Variants in L3MBTL4 observed in about 807,000 individuals in gnomAD.
L3MBTL4 encodes L3MBTL histone methyl-lysine binding protein 4.
A neutral mutation model predicts 84.5 loss-of-function variants in L3MBTL4; 70 were observed. The ratio of observed to expected loss-of-function variants is 0.83; its 90% CI spans 0.68 to 1.01. L3MBTL4 has a LOEUF of 1.01. Ranked by LOEUF, L3MBTL4 falls within the 50% of genes least tolerant of loss-of-function variation. L3MBTL4 has a pLI of 0.00. For missense variants in L3MBTL4, 715 were observed against 754.8 expected, an observed-to-expected ratio of 0.95 and a Z score of 0.62; for synonymous variants, 274 against 259.8, an observed-to-expected ratio of 1.05 and a Z score of -0.52.
intron 12 of L3MBTL4, among the ~76,000 whole-genome samples, chr18:6,176,447 T>G (rs1452604388): frequency 6.6e-6 from 1 of 152,054 alleles, no homozygotes; most frequent in East Asian, 1.9e-4. Flanking sequence ...GAGTATTGAA[T>G]GAAGAAAGTA....
intron 8 of L3MBTL4, 28 bp from the exon 9 acceptor site, chr18:6,239,900 C>A: frequency 6.2e-7 from 1 of 1,612,768 alleles, no homozygotes. Flanking sequence ...GGGGAAGAAG[C>A]ACAAAAAGAA....
chr18:6,266,366 T>C (rs1599405538), intron 4 of L3MBTL4, among the ~76,000 whole-genome samples: 1 of 152,192 alleles, frequency 6.6e-6, no homozygotes, highest in East Asian at 1.9e-4. Flanking sequence ...TATTACTACT[T>C]AGCTATACAC....
At chr18:6,125,459 C>T (rs1420901100) in intron 14 of L3MBTL4, among the ~76,000 whole-genome samples, 1 of 152,130 alleles carries the variant, frequency 6.6e-6, no homozygotes, top group Non-Finnish European at 1.5e-5. Flanking sequence ...AACAGGTTCT[C>T]ATTCTGTCAC....
At chr18:6,140,131 G>A (rs80115094) in intron 13 of L3MBTL4, among the ~76,000 whole-genome samples, 2,581 of 152,170 alleles carry the variant, frequency 0.017, 81 homozygotes, top group African/African-American at 0.058. Flanking sequence ...CCACAAAATC[G>A]TATCCTCCCA....
At chr18:6,311,459 G>A (rs2146943789) in intron 3 of L3MBTL4, 95 bp downstream of exon 3, 1 of 968,328 alleles carries the variant, frequency 1.0e-6, no homozygotes. Context: ...TGACTGAAAA[G>A]CCCCTGAGTG....
At chr18:6,349,933 AT>A (rs1448110557) in intron 1 of L3MBTL4, among the ~76,000 whole-genome samples, 3 of 152,150 alleles carry the variant, frequency 2.0e-5, no homozygotes, top group African/African-American at 2.4e-5. Flanking sequence ...CATAAAAAAA[AT>A]AAATAAAATC....
At chr18:6,020,733 C>T (rs1191263861) in intron 16 of L3MBTL4, among the ~76,000 whole-genome samples, 2 of 152,120 alleles carry the variant, frequency 1.3e-5, no homozygotes, top group Non-Finnish European at 2.9e-5. Context: ...CAAGGACGCT[C>T]CTAGGTTACT....
chr18:5,968,726 TAA>T (rs2052480352), intron 17 of L3MBTL4, among the ~76,000 whole-genome samples: 2 of 151,396 alleles, frequency 1.3e-5, no homozygotes, highest in Non-Finnish European at 2.9e-5. Flanking sequence ...TAAAATAAAA[TAA>T]AATAAAATAA....
chr18:6,333,855 C>T (rs972886060), intron 1 of L3MBTL4, among the ~76,000 whole-genome samples: 4 of 152,074 alleles, frequency 2.6e-5, no homozygotes, highest in African/African-American at 9.7e-5. Context: ...ATTAATATGC[C>T]AATAAGTGCA....
At chr18:6,086,283 A>G (rs1364229019) in intron 15 of L3MBTL4, among the ~76,000 whole-genome samples, 1 of 152,210 alleles carries the variant, frequency 6.6e-6, no homozygotes, top group Non-Finnish European at 1.5e-5. Context: ...TCCTCTACAC[A>G]AGTTGCTGTG....
chr18:6,046,805 A>G, intron 16 of L3MBTL4: 1 of 756,314 alleles, frequency 1.3e-6, no homozygotes, highest in East Asian at 2.5e-5. Flanking sequence ...AAAGTTAGCA[A>G]GATCTCAAAC....
At position 6,379,741 on chromosome 18, in the gene L3MBTL4, G is replaced by A. The variant is rs138774441; in HGVS notation, c.-91+35060C>T. On this transcript the variant is annotated intron_variant, in intron 1 of 18. Transcript: ENST00000317931. The stretch of plus-strand genomic sequence containing the variant: ...TGCCAGTATTTTATTGAGGATTTTT[G>A]CATCAATGTTCATCAGGGATATTGG... Among the ~76,000 whole-genome samples the A allele has an allele frequency of 1.1e-3, 170 of 152,270 alleles. 1 individual carries two copies. In the East Asian group the frequency reaches 0.03, roughly 27 times the overall value.
Position 6,271,021 on chromosome 18 carries a change from G to A in L3MBTL4, c.128-6983C>T, listed in dbSNP as rs576758458. ...ACCTAAACAAAGGGGGGCATGCAGTGCCCTCTGTGGTTACAGAGCCCGCGG... is the reference window on the plus strand; with the variant it reads ...ACCTAAACAAAGGGGGGCATGCAGTACCCTCTGTGGTTACAGAGCCCGCGG... On this transcript the variant is annotated intron_variant, in intron 4 of 18. Coordinates refer to ENST00000317931, the MANE Select transcript of L3MBTL4 (RefSeq NM_001330559.2). Among the ~76,000 whole-genome samples, 381 of 152,324 alleles carry A rather than the reference G, an allele frequency of 2.5e-3. 3 individuals carry two copies. Among genetic ancestry groups the A allele is most frequent in the Middle Eastern group, 0.014 (4 of 294 alleles).
intron 1 of L3MBTL4, among the ~76,000 whole-genome samples, chr18:6,377,269 C>T (rs1433033797): frequency 6.6e-6 from 1 of 152,148 alleles, no homozygotes; most frequent in Non-Finnish European, 1.5e-5. Context: ...ATCTTACCTC[C>T]TCTCCTGGCC....
chr18:6,332,082 G>T (rs1437459434), intron 1 of L3MBTL4, among the ~76,000 whole-genome samples: 3 of 152,110 alleles, frequency 2.0e-5, no homozygotes, highest in African/African-American at 7.2e-5. Flanking sequence ...TGACTCCCAG[G>T]GAAAGGCTCT....
At chr18:6,411,218 A>C (rs966492416) in intron 1 of L3MBTL4, among the ~76,000 whole-genome samples, 1 of 152,204 alleles carries the variant, frequency 6.6e-6, no homozygotes, top group Non-Finnish European at 1.5e-5. Flanking sequence ...TAAGTACAAG[A>C]TGCCGATATT....
rs11361405 is a variant in L3MBTL4 at position 6,239,391 on chromosome 18, CAA to C, written c.707+325_707+326del. Among the ~76,000 whole-genome samples, 947 of 138,512 alleles carry C rather than the reference CAA, an allele frequency of 6.8e-3. 3 individuals are homozygous for C. The highest frequency in any genetic ancestry group is 0.016 in the African/African-American group (613 of 37,478). The allele number at this position is 138,512 out of a possible 152,430, so 90.9% of individuals were successfully genotyped here. A position where few individuals can be genotyped will look rare whatever the true frequency, so the allele number is the denominator to read the frequency against. On this transcript the variant is annotated intron_variant, in intron 9 of 18. Transcript: ENST00000317931. Reference sequence around the variant, plus strand: ...TAAGGTACATTTAAGATTTTTTAGACAAAAAAAAAAAAATGCTGAAAGTTTTT... The same window carrying C: ...TAAGGTACATTTAAGATTTTTTAGACAAAAAAAAAAATGCTGAAAGTTTTT...
chr18:5,973,627 G>T (rs995910919), intron 16 of L3MBTL4, among the ~76,000 whole-genome samples: 2 of 152,148 alleles, frequency 1.3e-5, no homozygotes, highest in African/African-American at 4.8e-5. Flanking sequence ...TGATGATGAA[G>T]GCATAGACCG....
intron 16 of L3MBTL4, chr18:6,030,719 G>A (rs2055752961): frequency 1.0e-6 from 1 of 974,006 alleles, no homozygotes; most frequent in Non-Finnish European, 1.2e-6. Flanking sequence ...TTAGTTTAAT[G>A]CTATCTCCAT....
Sources: allele counts gnomAD v4.1 joint callset (sites outside exome capture counted in the v4.1 genomes callset), GRCh38; gene constraint gnomAD v4.1.1; transcripts MANE v1.5; gene names NCBI Gene and HGNC (gene_info 2026-07-23, HGNC 2026-07-21).